Variants in ARID1B observed in about 807,000 individuals in gnomAD.
The protein encoded by ARID1B is AT-rich interactive domain-containing protein 1B.
ARID1B carries 30 observed loss-of-function variants against 212.3 expected under a neutral mutation model. The observed-to-expected ratio is 0.14, with a 90% CI of 0.11 to 0.19. The LOEUF (loss-of-function observed/expected upper bound fraction) is 0.19. Ranked by LOEUF, ARID1B falls within the 10% of genes least tolerant of loss-of-function variation. The pLI is 1.00. For synonymous variants in ARID1B, 1,402 were observed against 1,301.7 expected (o/e 1.08, Z -1.66); for missense variants, 2,891 against 3,204.0 (o/e 0.90, Z 2.36).
intron 4 of ARID1B, among the ~76,000 whole-genome samples, chr6:156,994,625 G>A (rs1003563117): frequency 7.9e-5 from 12 of 152,228 alleles, no homozygotes; most frequent in Admixed American, 7.2e-4. Context: ...AGTCTGTAGG[G>A]TGAACGCACG....
intron 3 of ARID1B, among the ~76,000 whole-genome samples, chr6:156,907,851 T>C (rs954417696): frequency 6.8e-6 from 1 of 146,068 alleles, no homozygotes; most frequent in South Asian, 2.1e-4. Flanking sequence ...GAGGTTGTAG[T>C]GAGTCGAGGT....
intron 4 of ARID1B, chr6:156,941,493 G>T (rs1404445754): frequency 6.6e-6 from 1 of 152,186 alleles, no homozygotes; most frequent in Non-Finnish European, 1.5e-5. Context: ...TTTGGATTAA[G>T]ATTAAGAGCA....
At chr6:157,028,742 T>A (rs921100239) in intron 4 of ARID1B, among the ~76,000 whole-genome samples, 1 of 152,146 alleles carries the variant, frequency 6.6e-6, no homozygotes, top group East Asian at 1.9e-4. Flanking sequence ...GAAAATTATT[T>A]ATGGAAAAGG....
chr6:157,133,973 A>G (rs1583370801), intron 7 of ARID1B, among the ~76,000 whole-genome samples: 1 of 152,184 alleles, frequency 6.6e-6, no homozygotes, highest in African/African-American at 2.4e-5. Context: ...TGAATTTACC[A>G]CCTTCCTTAT....
chr6:157,064,985 C>T lies in ARID1B; in HGVS notation c.2248-19677C>T, dbSNP rs560040612. Among the ~76,000 whole-genome samples, 3 of 152,310 alleles carry T rather than the reference C, an allele frequency of 2.0e-5. No homozygotes were observed. In the South Asian group the frequency reaches 6.2e-4, roughly 32 times the overall value. On this transcript the variant is annotated intron_variant, in intron 4 of 19. Transcript: ENST00000636930. The stretch of plus-strand genomic sequence containing the variant: ...CCATTTTCAAGTCCAAATGGCTCAA[C>T]CCATTCTCTACTGGAGTAGTTTGTT...
At chr6:156,784,241 G>A (rs1172072499) in intron 1 of ARID1B, among the ~76,000 whole-genome samples, 8 of 152,118 alleles carry the variant, frequency 5.3e-5, no homozygotes, top group Non-Finnish European at 1.0e-4. Flanking sequence ...AGTGCCGCAC[G>A]CTTGCTGTGT....
At chr6:157,031,060 G>GT (rs113662756) in intron 4 of ARID1B, among the ~76,000 whole-genome samples, 10,238 of 146,030 alleles carry the variant, frequency 0.07, 708 homozygotes, top group African/African-American at 0.18. Flanking sequence ...CTTATGGTTG[G>GT]TTTTTTTTTT....
At chr6:156,832,871 A>G (rs1683000386) in intron 2 of ARID1B, among the ~76,000 whole-genome samples, 1 of 152,120 alleles carries the variant, frequency 6.6e-6, no homozygotes, top group Non-Finnish European at 1.5e-5. Context: ...TCGTGACTGG[A>G]TCTTTGAAGC....
chr6:157,122,862 A>G (rs1249642403), intron 6 of ARID1B, among the ~76,000 whole-genome samples: 1 of 152,040 alleles, frequency 6.6e-6, no homozygotes, highest in Non-Finnish European at 1.5e-5. Context: ...TGGTATTTTT[A>G]GTAGAGACCG....
At chr6:156,820,329 T>C (rs1263030601) in intron 1 of ARID1B, among the ~76,000 whole-genome samples, 2 of 152,098 alleles carry the variant, frequency 1.3e-5, no homozygotes, top group African/African-American at 2.4e-5. Context: ...TAAGTGGCCA[T>C]GTGGTATTGA....
intron 3 of ARID1B, among the ~76,000 whole-genome samples, chr6:156,929,427 C>T (rs1381958007): frequency 1.3e-5 from 2 of 152,210 alleles, no homozygotes; most frequent in African/African-American, 4.8e-5. Flanking sequence ...ACCAGGCATC[C>T]TCTCTGTGGA....
In ARID1B at chr6:157,084,143, CA is replaced by C. The variant is rs1475833808; in HGVS notation, c.2248-506del. Among the ~76,000 whole-genome samples, 112 of 134,302 alleles carry C rather than the reference CA, an allele frequency of 8.3e-4. 1 individual carries two copies. Among genetic ancestry groups the C allele is most frequent in the African/African-American group, 2.5e-3 (90 of 36,404 alleles). The allele number at this position is 134,302 out of a possible 152,430, so 88.1% of individuals were successfully genotyped here. ...GAGTGAGACTTCATCACCTCCCCCCCAAAAAAAAAAAAACTTTCTCATCACA... is the reference window on the plus strand; with the variant it reads ...GAGTGAGACTTCATCACCTCCCCCCCAAAAAAAAAAAACTTTCTCATCACA... On this transcript the variant is annotated intron_variant, in intron 4 of 19. Transcript: ENST00000636930.
chr6:156,801,496 G>T (rs1200055145), intron 1 of ARID1B, among the ~76,000 whole-genome samples: 4 of 152,030 alleles, frequency 2.6e-5, no homozygotes, highest in African/African-American at 7.3e-5. Context: ...ACCGCACCCG[G>T]CCTCATCATT....
chr6:157,047,485 C>G (rs528815813), intron 4 of ARID1B, among the ~76,000 whole-genome samples: 93 of 152,210 alleles, frequency 6.1e-4, no homozygotes, highest in African/African-American at 2.2e-3. Context: ...TTGACAGCAT[C>G]GCGGCTGTCC....
rs2128392710 is a variant in ARID1B at position 157,206,466 on chromosome 6, G to A, written c.5694G>A (p.Lys1898=). 6.2e-7 allele frequency: 1 copy of A among 1,614,078 alleles called. No individual in the cohort carries two copies. The highest frequency in any genetic ancestry group is 8.5e-7 in the Non-Finnish European group (1 of 1,180,050). The change falls in exon 20 of 20, where the codon AAG becomes AAA. Residue 1898 remains lysine, a synonymous_variant. Transcript: ENST00000636930. The surrounding 1 kb of genome is among the most constrained non-coding windows in gnomAD (Gnocchi z 6.8). ...LTAPDAAADP[K]EKPKQASKFD... ...CCCCGGACGCCGCTGCAGACCCAAAGGAGAAGCCCAAGCAAGCCAGTAAGT... is the reference window on the plus strand; with the variant it reads ...CCCCGGACGCCGCTGCAGACCCAAAAGAGAAGCCCAAGCAAGCCAGTAAGT...
chr6:157,133,001 A>G, intron 6 of ARID1B, 27 bp from the exon 7 acceptor site: 5 of 1,583,794 alleles, frequency 3.2e-6, no homozygotes, highest in African/African-American at 1.4e-5. Context: ...ACCTGCATTT[A>G]TATGTTTCCA....
Position 157,127,805 on chromosome 6 carries a change from AAC to A in ARID1B, c.2582-5221_2582-5220del, listed in dbSNP as rs1491208811. 3.9e-3 allele frequency among the ~76,000 whole-genome samples: 554 copies of A among 143,622 alleles called. 9 individuals carry two copies. The highest frequency in any genetic ancestry group is 0.015 in the African/African-American group (522 of 34,962). The allele number at this position is 143,622 out of a possible 152,430, so 94.2% of individuals were successfully genotyped here. ...TCTCAAAAAAAAAAAAAAAAAAAAA[AAC>A]AAAAATTAGCCAGGCATGGTGGTGC... is the stretch of plus-strand genomic sequence containing the variant. On this transcript the variant is annotated intron_variant, in intron 6 of 19. Transcript: ENST00000636930.
intron 2 of ARID1B, among the ~76,000 whole-genome samples, chr6:156,897,535 A>G (rs2128204730): frequency 1.3e-5 from 2 of 151,932 alleles, no homozygotes; most frequent in South Asian, 4.2e-4. Context: ...TGGCCTCCCA[A>G]AGTGCTGGGA....
chr6:157,123,998 G>A (rs1238383624), intron 6 of ARID1B, among the ~76,000 whole-genome samples: 3 of 152,202 alleles, frequency 2.0e-5, no homozygotes, highest in African/African-American at 7.2e-5. Flanking sequence ...AGATGGACAG[G>A]GTGGATGCGT....
Sources: gnomAD v4.1 joint callset for allele counts (sites outside exome capture counted in the v4.1 genomes callset) on GRCh38, gnomAD v4.1.1 for gene constraint, Gnocchi (gnomAD v3.1) non-coding constraint, MANE v1.5 for transcripts, NCBI Gene and HGNC (gene_info 2026-07-23, HGNC 2026-07-21) for gene names.